PRKCE: variants seen among roughly 807,000 people sequenced by gnomAD.
PRKCE encodes protein kinase C epsilon.
In PRKCE, 16 loss-of-function variants were observed where a neutral mutation model predicts 85.4. The observed-to-expected ratio is 0.19, with a 90% CI of 0.13 to 0.28. The LOEUF is 0.28. Ranked by LOEUF, PRKCE falls within the 10% of genes least tolerant of loss-of-function variation. The probability of loss-of-function intolerance (pLI) is 1.00; values close to 1 mark genes in which losing one functional copy is unlikely to be tolerated. For missense variants in PRKCE, 573 were observed against 975.2 expected (o/e 0.59, Z 5.49); for synonymous variants, 388 against 371.5 (o/e 1.04, Z -0.51).
At chr2:45,795,917 C>T (rs72870724) in intron 1 of PRKCE, among the ~76,000 whole-genome samples, 2,318 of 152,302 alleles carry the variant, frequency 0.015, 57 homozygotes, top group African/African-American at 0.052. Flanking sequence ...GGCTTGACAG[C>T]GCTTTTTCAA....
intron 2 of PRKCE, among the ~76,000 whole-genome samples, chr2:45,966,084 TG>T (rs1701710598): frequency 6.6e-6 from 1 of 152,130 alleles, no homozygotes; most frequent in South Asian, 2.1e-4. Context: ...TTGGGAGGCG[TG>T]GATGGCTGGG....
At chr2:46,026,741 G>C (rs1239080165) in intron 10 of PRKCE, among the ~76,000 whole-genome samples, 3 of 152,184 alleles carry the variant, frequency 2.0e-5, no homozygotes, top group African/African-American at 7.2e-5. Flanking sequence ...AGGCATAAGA[G>C]CTGGTAATTT....
At chr2:45,829,971 G>A (rs945327014) in intron 1 of PRKCE, among the ~76,000 whole-genome samples, 2 of 151,170 alleles carry the variant, frequency 1.3e-5, no homozygotes, top group African/African-American at 4.9e-5. Context: ...TACTCGGGAG[G>A]CTGAGGCAGG....
chr2:45,796,048 G>C (rs1179597875), intron 1 of PRKCE, among the ~76,000 whole-genome samples: 1 of 152,226 alleles, frequency 6.6e-6, no homozygotes, highest in East Asian at 1.9e-4. Context: ...TTTGAAAGCA[G>C]TTGTTCTTCA....
At chr2:45,804,945 CTTTT>C (rs5830871) in intron 1 of PRKCE, among the ~76,000 whole-genome samples, 1 of 133,516 alleles carries the variant, frequency 7.5e-6, no homozygotes, top group Non-Finnish European at 1.6e-5. Context: ...AACTCATCAA[CTTTT>C]TTTTTTTTTT....
At chr2:45,785,685 T>C (rs889626596) in intron 1 of PRKCE, among the ~76,000 whole-genome samples, 2 of 152,094 alleles carry the variant, frequency 1.3e-5, no homozygotes, top group Non-Finnish European at 2.9e-5. Flanking sequence ...AGGCATCCTA[T>C]GTAGCACCTG....
At chr2:45,889,824 G>A (rs1048017256) in intron 2 of PRKCE, among the ~76,000 whole-genome samples, 1 of 152,166 alleles carries the variant, frequency 6.6e-6, no homozygotes, top group Non-Finnish European at 1.5e-5. Flanking sequence ...CAAAGGTCAC[G>A]CACTCCTCCT....
intron 2 of PRKCE, among the ~76,000 whole-genome samples, chr2:45,901,761 G>T (rs1050281671): frequency 2.0e-5 from 3 of 152,210 alleles, no homozygotes; most frequent in Non-Finnish European, 4.4e-5. Flanking sequence ...GAAGATTAAA[G>T]TTCCCTGAAG....
intron 11 of PRKCE, among the ~76,000 whole-genome samples, chr2:46,143,014 G>A (rs1675708775): frequency 6.6e-6 from 1 of 152,196 alleles, no homozygotes; most frequent in East Asian, 1.9e-4. Flanking sequence ...AGGCAGGAGG[G>A]CAGAGGAGCG....
At chr2:45,809,165 G>T (rs975530302) in intron 1 of PRKCE, among the ~76,000 whole-genome samples, 7 of 152,108 alleles carry the variant, frequency 4.6e-5, no homozygotes, top group South Asian at 2.1e-4. Context: ...AACTCTATAG[G>T]CATTCATACA....
chr2:45,653,478 G>A (rs1017551073), intron 1 of PRKCE, among the ~76,000 whole-genome samples: 4 of 140,446 alleles, frequency 2.8e-5, no homozygotes, highest in African/African-American at 1.0e-4. Flanking sequence ...GCAAGTACAA[G>A]CGTTCCTCTG....
chr2:46,063,826 A>C (rs778131582), intron 10 of PRKCE, among the ~76,000 whole-genome samples: 6 of 152,186 alleles, frequency 3.9e-5, no homozygotes, highest in Non-Finnish European at 7.3e-5. Context: ...TATCAAAGTC[A>C]TTTAAGATAC....
chr2:45,862,183 TACACACACACACAC>T (rs6146747), intron 2 of PRKCE, among the ~76,000 whole-genome samples: 5,862 of 143,952 alleles, frequency 0.041, 229 homozygotes, highest in East Asian at 0.24. Flanking sequence ...TCTTCTTGTA[TACACACACACACAC>T]ACACACACAC....
intron 1 of PRKCE, among the ~76,000 whole-genome samples, chr2:45,742,804 A>C (rs957348184): frequency 6.6e-6 from 1 of 152,246 alleles, no homozygotes; most frequent in Non-Finnish European, 1.5e-5. Flanking sequence ...TCCAAAGGAA[A>C]TAAAATCACT....
In PRKCE at chr2:46,159,373, G is replaced by A. The variant is rs1304094306; in HGVS notation, c.1921-233G>A. Among the ~76,000 whole-genome samples the A allele has an allele frequency of 6.6e-6, 1 of 152,176 alleles. No individual in the cohort carries two copies. The highest frequency in any genetic ancestry group is 1.5e-5 in the Non-Finnish European group (1 of 68,040). On this transcript the variant is annotated intron_variant, in intron 13 of 14. Coordinates refer to ENST00000306156, the MANE Select transcript of PRKCE (RefSeq NM_005400.3). This position sits in a 1 kb window ranked among gnomAD's most constrained non-coding sequence, Gnocchi z 4.1. ...AGAGACAATGATAGTACCTCGTAGG[G>A]CATTAGGATGAAATGAGTTGATACA...
rs760981501 is a variant in PRKCE, at chr2:46,164,524, C to T, written c.2067+4772C>T. 5.3e-5 allele frequency among the ~76,000 whole-genome samples: 8 copies of T among 152,342 alleles called. No homozygotes were observed. The East Asian group carries it at 9.6e-4, about 18-fold the overall frequency. ...CTTTTGGCATCATACTAGAATGACA[C>T]CAGTCTCCAGAAACCTGAATTACCC... On this transcript the variant is annotated intron_variant, in intron 14 of 14. Transcript: ENST00000306156.
At chr2:45,677,257 T>G (rs147044435) in intron 1 of PRKCE, 1 of 152,216 alleles carries the variant, frequency 6.6e-6, no homozygotes, top group African/African-American at 2.4e-5. Flanking sequence ...AGAGGCCACT[T>G]TAGGTGGATA....
chr2:46,127,253 A>T (rs1028431912), intron 11 of PRKCE, among the ~76,000 whole-genome samples: 1 of 152,202 alleles, frequency 6.6e-6, no homozygotes, highest in Non-Finnish European at 1.5e-5. Context: ...GATTCTTAGG[A>T]TCTTTTTAAT....
intron 2 of PRKCE, among the ~76,000 whole-genome samples, chr2:45,916,460 G>T (rs2103881634): frequency 6.6e-6 from 1 of 152,106 alleles, no homozygotes; most frequent in African/African-American, 2.4e-5. Context: ...GCCCAGGATG[G>T]TCTTTTAATT....
Sources: gnomAD v4.1 joint callset for allele counts (sites outside exome capture counted in the v4.1 genomes callset) on GRCh38, gnomAD v4.1.1 for gene constraint, Gnocchi (gnomAD v3.1) non-coding constraint, MANE v1.5 for transcripts, NCBI Gene and HGNC (gene_info 2026-07-23, HGNC 2026-07-21) for gene names.